The following MGME1 variants were observed in gnomAD, a reference collection of about 807,000 sequenced individuals.
MGME1 encodes the protein mitochondrial genome maintenance exonuclease 1, also known as chromosome 20 open reading frame 72.
Under a neutral mutation model 33.0 loss-of-function variants are expected in MGME1, and 22 were observed. The observed-to-expected ratio is 0.67, with a 90% CI of 0.48 to 0.95. The LOEUF is 0.95. MGME1 is among the 40% of genes least tolerant of loss of function. The pLI, the probability that MGME1 is intolerant of heterozygous loss-of-function variation, is 0.00. For missense variants in MGME1, 383 were observed against 397.8 expected (o/e 0.96, Z 0.32); for synonymous variants, 133 against 144.0 (o/e 0.92, Z 0.55).
At chr20:17,971,135 GTGTACTGA>G (rs2035717890) in intron 2 of MGME1, among the ~76,000 whole-genome samples, 1 of 152,170 alleles carries the variant, frequency 6.6e-6, no homozygotes, top group Non-Finnish European at 1.5e-5. Flanking sequence ...TTTAAGAATA[GTGTACTGA>G]CCCTTGCCAT....
chr20:17,987,468 T>C (rs954713964), intron 3 of MGME1, among the ~76,000 whole-genome samples: 10 of 152,100 alleles, frequency 6.6e-5, no homozygotes, highest in Admixed American at 1.3e-4. Context: ...ACGTAAAATA[T>C]CCCATTAATC....
At chr20:17,975,531 G>A (rs529722042) in intron 2 of MGME1, among the ~76,000 whole-genome samples, 153 bp from the exon 3 acceptor site, 1 of 151,006 alleles carries the variant, frequency 6.6e-6, no homozygotes, top group Non-Finnish European at 1.5e-5. Context: ...ACTCCAGCCT[G>A]GGCGACAGAG....
chr20:17,968,821 A>C, upstream of MGME1: 2 of 219,760 alleles, frequency 9.1e-6, no homozygotes, highest in Non-Finnish European at 1.8e-5. Context: ...GGGGGAATTT[A>C]TTACTCAGCC....
At chr20:17,974,029 A>C (rs1471305690) in intron 2 of MGME1, among the ~76,000 whole-genome samples, 1 of 129,730 alleles carries the variant, frequency 7.7e-6, no homozygotes, top group Admixed American at 7.6e-5. Context: ...ACAAGTGAAT[A>C]TATTTCTTGT....
At position 17,969,826 on chromosome 20, in the gene MGME1, C is replaced by A. The variant is rs764266853; in HGVS notation, c.-34C>A. The A allele has an allele frequency of 1.3e-6, 2 of 1,560,740 alleles. No homozygotes were observed. The highest frequency in any genetic ancestry group is 2.4e-5 in the South Asian group (2 of 81,694). ...GAATACAAACATAAAGGCCTTCGAC[C>A]GTTGCAAATAGACTAAAGTGAAAAC... On this transcript the variant is annotated 5_prime_UTR_variant, in exon 2 of 5. Transcript: ENST00000377710.
intron 4 of MGME1, among the ~76,000 whole-genome samples, chr20:17,989,584 C>G (rs986202970): frequency 6.7e-6 from 1 of 150,078 alleles, no homozygotes; most frequent in Non-Finnish European, 1.5e-5. Context: ...AAGTGGTGCC[C>G]GCCTCAGCTT....
rs758214158 is a variant in MGME1 at position 17,969,960 on chromosome 20, C to CGGAAA, written c.101_102insGGAAA (p.Cys35GlufsTer9). ...GTGGCTTTCTCTACTTCCTCTTACT[C>CGGAAA]ATGTGGCCGGAAGAAAAAAGTGAAC... On this transcript the variant is annotated frameshift_variant, in exon 2 of 5. Coordinates refer to ENST00000377710, the MANE Select transcript of MGME1 (RefSeq NM_052865.4). LOFTEE classifies it high-confidence loss of function. 7 of 1,614,076 alleles carry CGGAAA rather than the reference C, an allele frequency of 4.3e-6. No individual in the cohort carries two copies. Among genetic ancestry groups the CGGAAA allele is most frequent in the African/African-American group, 1.3e-5 (1 of 74,922 alleles).
At position 17,990,548 on chromosome 20, in the gene MGME1, G is replaced by A. The variant is rs1327746421; in HGVS notation, c.*439G>A. ...GCTACATGCCCCCAGCTGTGTGCAG[G>A]GAGGACACATCAGCCCACTACCGCT... On this transcript the variant is annotated 3_prime_UTR_variant, in exon 5 of 5. Transcript: ENST00000377710. 1 of 207,412 alleles carries A rather than the reference G, an allele frequency of 4.8e-6. No individual in the cohort carries two copies. The highest frequency in any genetic ancestry group is 9.7e-6 in the Non-Finnish European group (1 of 103,360). The allele number at this position is 207,412 out of a possible 1,614,324, so 12.8% of individuals were successfully genotyped here.
chr20:17,970,420 G>A (rs1373217386), intron 2 of MGME1, 50 bp downstream of exon 2: 1 of 1,518,826 alleles, frequency 6.6e-7, no homozygotes, highest in East Asian at 2.3e-5. Flanking sequence ...TTCTATAATA[G>A]AGAGCAACGG....
In MGME1 at chr20:17,969,832, A is replaced by G. The variant is rs1329908014; in HGVS notation, c.-28A>G. ...AAACATAAAGGCCTTCGACCGTTGC[A>G]AATAGACTAAAGTGAAAACAAATCT... On this transcript the variant is annotated 5_prime_UTR_variant, in exon 2 of 5. Coordinates refer to ENST00000377710, the MANE Select transcript of MGME1 (RefSeq NM_052865.4). The G allele has an allele frequency of 3.2e-6, 5 of 1,576,584 alleles. No homozygotes were observed. The highest frequency in any genetic ancestry group is 3.4e-6 in the Non-Finnish European group (4 of 1,165,316).
Position 17,988,274 on chromosome 20 carries a change from C to T in MGME1, c.840C>T (p.Asn280=). ...LQVVAYMGAM[N]HDTNYSFQVQ... is the part of the protein sequence containing the mutation. ...TTGTGGCATACATGGGTGCCATGAA[C>T]CATGATACCAACTACAGCTTTCAGG... The change falls in exon 4 of 5, where the codon AAC becomes AAT. Residue 280 remains asparagine (N), a synonymous_variant. Transcript: ENST00000377710. 1 of 1,613,960 alleles carries T rather than the reference C, an allele frequency of 6.2e-7. No homozygotes were observed. The highest frequency in any genetic ancestry group is 8.5e-7 in the Non-Finnish European group (1 of 1,179,902).
chr20:17,982,676 G>A (rs922156209), intron 3 of MGME1, among the ~76,000 whole-genome samples: 6 of 152,174 alleles, frequency 3.9e-5, no homozygotes, highest in Non-Finnish European at 7.4e-5. Context: ...TAATTTGCAT[G>A]TCACATAAGT....
At chr20:17,972,149 C>T (rs1468290075) in intron 2 of MGME1, among the ~76,000 whole-genome samples, 1 of 152,112 alleles carries the variant, frequency 6.6e-6, no homozygotes, top group African/African-American at 2.4e-5. Context: ...AATTGATTAA[C>T]GGGTCTGGAG....
Position 17,988,222 on chromosome 20 carries a change from A to G in MGME1, c.788A>G (p.Gln263Arg), listed in dbSNP as rs750110660. 6.2e-7 allele frequency: 1 copy of G among 1,614,152 alleles called. No homozygotes were observed. Among genetic ancestry groups the G allele is most frequent in the Non-Finnish European group, 8.5e-7 (1 of 1,180,014 alleles). Reference protein sequence around the residue: ...KTSEKPKPFIQSTFDNPLQVV... With the variant: ...KTSEKPKPFIRSTFDNPLQVV... ...TCAGAGAAACCAAAGCCTTTTATTC[A>G]AAGTACATTTGACAACCCACTGCAA... is the stretch of plus-strand genomic sequence containing the variant. Residue 263 changes from glutamine (Q) to arginine (R), a missense_variant, in exon 4 of 5, where the codon CAA (glutamine) becomes CGA (arginine). Transcript: ENST00000377710.
In MGME1 at chr20:17,982,836, A is replaced by G. The variant is rs79065343; in HGVS notation, c.732-5330A>G. Among the ~76,000 whole-genome samples, 803 of 152,288 alleles carry G rather than the reference A, an allele frequency of 5.3e-3. 22 individuals carry two copies. The East Asian group carries it at 0.075, about 14-fold the overall frequency. ...TACAGTATGATATTTTGATATATGT[A>G]TACCTAATGGAAAGATTAAATAAGC... On this transcript the variant is annotated intron_variant, in intron 3 of 4. Coordinates refer to ENST00000377710, the MANE Select transcript of MGME1 (RefSeq NM_052865.4).
At chr20:17,973,808 A>T (rs998096177) in intron 2 of MGME1, among the ~76,000 whole-genome samples, 3 of 152,166 alleles carry the variant, frequency 2.0e-5, no homozygotes, top group Non-Finnish European at 2.9e-5. Flanking sequence ...TTGGAAACAG[A>T]TTCTGGTGCC....
At chr20:17,975,968 C>A in intron 3 of MGME1, 65 bp downstream of exon 3, 1 of 1,209,810 alleles carries the variant, frequency 8.3e-7, no homozygotes, top group East Asian at 2.3e-5. Context: ...AAAGGTGTGC[C>A]TGTAGGTACT....
chr20:17,979,814 T>A (rs1346822344), intron 3 of MGME1, among the ~76,000 whole-genome samples: 1 of 152,090 alleles, frequency 6.6e-6, no homozygotes, highest in Non-Finnish European at 1.5e-5. Flanking sequence ...CACTGCAGTC[T>A]CTAACTCCCC....
intron 3 of MGME1, among the ~76,000 whole-genome samples, chr20:17,987,170 TAAAAA>T (rs373017515): frequency 4.1e-5 from 5 of 122,434 alleles, no homozygotes; most frequent in Admixed American, 8.3e-5. Flanking sequence ...AGACTCCATC[TAAAAA>T]AAAAAAAAAA....
Sources: gnomAD v4.1 joint callset for allele counts (sites outside exome capture counted in the v4.1 genomes callset) on GRCh38, gnomAD v4.1.1 for gene constraint, MANE v1.5 for transcripts, NCBI Gene and HGNC (gene_info 2026-07-23, HGNC 2026-07-21) for gene names.